Variants in CPED1 observed in about 807,000 individuals in gnomAD.
CPED1 encodes cadherin like and PC-esterase domain containing 1.
CPED1 carries 114 observed loss-of-function variants against 128.2 expected under a neutral mutation model. The ratio of observed to expected loss-of-function variants is 0.89; its 90% confidence interval spans 0.76 to 1.04. The LOEUF is 1.04. Among genes scored for constraint, CPED1 ranks in the 50% least tolerant of loss-of-function variants. CPED1 has a pLI of 0.00. For missense variants in CPED1, 1,211 were observed against 1,207.1 expected (o/e 1.00, Z -0.05); for synonymous variants, 462 against 426.7 (o/e 1.08, Z -1.02).
chr7:121,255,450 C>G (rs767518906), intron 18 of CPED1, among the ~76,000 whole-genome samples: 4 of 152,034 alleles, frequency 2.6e-5, no homozygotes, highest in African/African-American at 9.7e-5. Flanking sequence ...AAACCCACAG[C>G]TAACATCATA....
intron 16 of CPED1, among the ~76,000 whole-genome samples, chr7:121,232,257 GGAAGGTGAGGA>G (rs1470055449): frequency 6.6e-6 from 1 of 152,114 alleles, no homozygotes; most frequent in African/African-American, 2.4e-5. Flanking sequence ...TGGGTTTTGG[GGAAGGTGAGGA>G]GATGGAGGGA....
chr7:121,090,715 A>G (rs1021494778), intron 5 of CPED1, among the ~76,000 whole-genome samples: 2 of 152,168 alleles, frequency 1.3e-5, no homozygotes, highest in Non-Finnish European at 2.9e-5. Flanking sequence ...TTGGGAGGCC[A>G]AGGAGGGCAG....
intron 16 of CPED1, among the ~76,000 whole-genome samples, chr7:121,169,636 G>T (rs1796606459): frequency 6.6e-6 from 1 of 152,134 alleles, no homozygotes; most frequent in South Asian, 2.1e-4. Context: ...TGCCACTCGT[G>T]TATCCCAGTG....
At chr7:121,232,224 CACCTGT>C (rs754210488) in intron 16 of CPED1, among the ~76,000 whole-genome samples, 43 of 152,248 alleles carry the variant, frequency 2.8e-4, no homozygotes, top group Non-Finnish European at 5.6e-4. Context: ...CATTCCCCCT[CACCTGT>C]TTTCCCTGTG....
At chr7:121,230,642 AGTT>A (rs1339085908) in intron 16 of CPED1, among the ~76,000 whole-genome samples, 2 of 152,034 alleles carry the variant, frequency 1.3e-5, no homozygotes, top group Admixed American at 6.6e-5. Flanking sequence ...AATTTAAGAT[AGTT>A]GTTGTTCTTC....
chr7:121,081,259 C>T (rs1339499298), intron 5 of CPED1, among the ~76,000 whole-genome samples: 1 of 152,116 alleles, frequency 6.6e-6, no homozygotes. Context: ...GCAATACATT[C>T]GTTTTCCTTA....
intron 16 of CPED1, among the ~76,000 whole-genome samples, chr7:121,229,950 A>G (rs886981580): frequency 6.6e-6 from 1 of 152,008 alleles, no homozygotes; most frequent in Non-Finnish European, 1.5e-5. Flanking sequence ...TGGGGTGAAG[A>G]CTGGATGGAG....
At chr7:121,109,032 T>A (rs1411578053) in intron 7 of CPED1, among the ~76,000 whole-genome samples, 1 of 152,206 alleles carries the variant, frequency 6.6e-6, no homozygotes, top group Non-Finnish European at 1.5e-5. Flanking sequence ...ACTGTACCCA[T>A]GAATCTTTTG....
intron 16 of CPED1, 53 bp downstream of exon 16, chr7:121,142,194 C>A: frequency 7.0e-7 from 1 of 1,424,484 alleles, no homozygotes; most frequent in Non-Finnish European, 9.5e-7. Flanking sequence ...ATCTGTTAAC[C>A]CAGGCGGAAA....
At chr7:121,068,911 CTGTT>C (rs1461849530) in intron 5 of CPED1, among the ~76,000 whole-genome samples, 2 of 152,102 alleles carry the variant, frequency 1.3e-5, no homozygotes, top group African/African-American at 2.4e-5. Flanking sequence ...ATTTGGCTCT[CTGTT>C]TGTCTGTTGT....
At chr7:121,293,515 G>C (rs1019207046) in intron 22 of CPED1, among the ~76,000 whole-genome samples, 1 of 152,110 alleles carries the variant, frequency 6.6e-6, no homozygotes. Context: ...GGAGTGAACA[G>C]TTCTGTCTTG....
At chr7:121,246,405 C>T (rs535639369) in intron 18 of CPED1, among the ~76,000 whole-genome samples, 1 of 152,328 alleles carries the variant, frequency 6.6e-6, no homozygotes, top group African/African-American at 2.4e-5. Context: ...TTATTTCTCA[C>T]AGTTCTGGAG....
rs766061504 is a variant in CPED1 at position 121,267,215 on chromosome 7, G to A, written c.2634G>A (p.Arg878=). The A allele has an allele frequency of 5.9e-6, 9 of 1,535,716 alleles. No individual in the cohort carries two copies. The highest frequency in any genetic ancestry group is 2.3e-5 in the East Asian group (1 of 43,934). Residue 878 remains arginine, a splice_region_variant and synonymous_variant, in exon 21 of 23, where the codon AGG becomes AGA. Coordinates refer to ENST00000310396, the MANE Select transcript of CPED1 (RefSeq NM_024913.5). The stretch of plus-strand genomic sequence containing the variant: ...TTAGAATTATAATTATCTCATTCAG[G>A]GAAAATTTACTCAATATCCTAGTGA... ...HLQIIHKVLK[R]ENLLNILVII...
intron 22 of CPED1, among the ~76,000 whole-genome samples, chr7:121,276,066 A>G (rs1792323997): frequency 6.6e-6 from 1 of 152,132 alleles, no homozygotes; most frequent in African/African-American, 2.4e-5. Flanking sequence ...ATTAGTATGG[A>G]AATTTAATTC....
chr7:121,017,789 C>T (rs1490766323), intron 3 of CPED1, among the ~76,000 whole-genome samples: 1 of 152,154 alleles, frequency 6.6e-6, no homozygotes, highest in Non-Finnish European at 1.5e-5. Context: ...AATTACTCTG[C>T]AGCTTCCAAA....
At chr7:121,233,986 A>G (rs1798195917) in intron 16 of CPED1, among the ~76,000 whole-genome samples, 2 of 152,116 alleles carry the variant, frequency 1.3e-5, no homozygotes, top group African/African-American at 2.4e-5. Context: ...AAGAGGAAAC[A>G]GAGTGATCAA....
At chr7:121,093,131 G>A (rs776883089) in intron 5 of CPED1, among the ~76,000 whole-genome samples, 2 of 151,796 alleles carry the variant, frequency 1.3e-5, no homozygotes, top group Non-Finnish European at 2.9e-5. Flanking sequence ...TCCCCTTTTT[G>A]CCATTTCTAC....
Position 121,124,466 on chromosome 7 carries a change from T to C in CPED1, c.1054T>C (p.Phe352Leu). 1 of 1,476,950 alleles carries C rather than the reference T, an allele frequency of 6.8e-7. No homozygotes were observed. Among genetic ancestry groups the C allele is most frequent in the South Asian group, 1.5e-5 (1 of 68,218 alleles). 91.5% of individuals were successfully genotyped at this position (1,476,950 alleles called of 1,614,324 possible). Residue 352 changes from phenylalanine to leucine, a missense_variant, in exon 8 of 23, where the codon TTC (phenylalanine) becomes CTC (leucine). Transcript: ENST00000310396. ...SETSTLGPKTFHRCRFCFQLL... is the reference protein window; with the variant it reads ...SETSTLGPKTLHRCRFCFQLL... ...AACATCTACTCTGGGACCAAAGACCTTCCATAGGTAAAAAACAAATTTTAA... is the reference window on the plus strand; with the variant it reads ...AACATCTACTCTGGGACCAAAGACCCTCCATAGGTAAAAAACAAATTTTAA...
intron 17 of CPED1, among the ~76,000 whole-genome samples, chr7:121,241,728 C>A (rs1032993197): frequency 6.6e-6 from 1 of 152,120 alleles, no homozygotes; most frequent in African/African-American, 2.4e-5. Context: ...ACCTCCATGA[C>A]TCTTTCTCTA....
Sources: allele counts gnomAD v4.1 joint callset (sites outside exome capture counted in the v4.1 genomes callset), GRCh38; gene constraint gnomAD v4.1.1; transcripts MANE v1.5; gene names NCBI Gene and HGNC (gene_info 2026-07-23, HGNC 2026-07-21).